The following CGRRF1 variants were observed in gnomAD, a reference collection of about 807,000 sequenced individuals.
CGRRF1 encodes cell growth regulator with RING finger domain protein 1.
A neutral mutation model predicts 37.2 loss-of-function variants in CGRRF1; 32 were observed. The observed-to-expected ratio is 0.86, with a 90% confidence interval of 0.65 to 1.16. The LOEUF is 1.16. Ranked by LOEUF, CGRRF1 falls within the 50% of genes most tolerant of loss-of-function variation. CGRRF1 has a pLI of 0.00. For synonymous variants in CGRRF1, 141 were observed against 140.3 expected (o/e 1.00, Z -0.04); for missense variants, 391 against 382.6 (o/e 1.02, Z -0.18).
chr14:54,514,607 C>T (rs2032185738), intron 1 of CGRRF1, among the ~76,000 whole-genome samples: 1 of 152,220 alleles, frequency 6.6e-6, no homozygotes, highest in Admixed American at 6.5e-5. Flanking sequence ...AACTTCCACC[C>T]TCAGGTGGAT....
At chr14:54,524,584 G>C (rs1206872757) in intron 2 of CGRRF1, among the ~76,000 whole-genome samples, 1 of 151,806 alleles carries the variant, frequency 6.6e-6, no homozygotes, top group East Asian at 1.9e-4. Flanking sequence ...GTGGAGATGG[G>C]GTCTTGCTGT....
intron 1 of CGRRF1, among the ~76,000 whole-genome samples, chr14:54,521,840 C>T (rs2032322258): frequency 6.6e-6 from 1 of 152,152 alleles, no homozygotes; most frequent in Admixed American, 6.5e-5. Context: ...ATTTCTTTTT[C>T]ACATTTAAAA....
chr14:54,509,957 C>T lies in CGRRF1; in HGVS notation c.-3C>T, dbSNP rs373074430. Reference sequence around the variant, plus strand: ...GCCGGGCTCTACCCAGAGCAAGACCCTGATGGCTGCGGTGTTTCTGGTAAC... The same window carrying T: ...GCCGGGCTCTACCCAGAGCAAGACCTTGATGGCTGCGGTGTTTCTGGTAAC... On this transcript the variant is annotated 5_prime_UTR_variant, in exon 1 of 6. Transcript: ENST00000216420. 1,056 of 1,610,518 alleles carry T rather than the reference C, an allele frequency of 6.6e-4. 1 individual carries two copies. Among genetic ancestry groups the T allele is most frequent in the Non-Finnish European group, 8.5e-4 (1,002 of 1,176,820 alleles).
intron 2 of CGRRF1, among the ~76,000 whole-genome samples, chr14:54,528,913 GT>G (rs2032460722): frequency 6.6e-6 from 1 of 152,148 alleles, no homozygotes; most frequent in Non-Finnish European, 1.5e-5. Flanking sequence ...GGAAAAATCA[GT>G]TTTTGGTATC....
chr14:54,534,873 C>G (rs1486077421), intron 4 of CGRRF1, among the ~76,000 whole-genome samples: 1 of 152,110 alleles, frequency 6.6e-6, no homozygotes, highest in Non-Finnish European at 1.5e-5. Flanking sequence ...TACCACTGTG[C>G]CCAGCTAAGT....
chr14:54,514,237 A>T (rs1477031851), intron 1 of CGRRF1, among the ~76,000 whole-genome samples: 1 of 152,206 alleles, frequency 6.6e-6, no homozygotes, highest in African/African-American at 2.4e-5. Flanking sequence ...AAATTTTGCT[A>T]ATTTATATCT....
At chr14:54,522,240 G>A (rs1295318793) in intron 1 of CGRRF1, among the ~76,000 whole-genome samples, 5 of 151,764 alleles carry the variant, frequency 3.3e-5, no homozygotes, top group Admixed American at 6.6e-5. Flanking sequence ...CTTCCCCCTC[G>A]TCCCCAAATA....
chr14:54,536,206 A>G (rs1400286440), intron 4 of CGRRF1: 4 of 150,026 alleles, frequency 2.7e-5, no homozygotes, highest in Non-Finnish European at 5.9e-5. Context: ...GCTCTTTTTC[A>G]TTTCAGAAAA....
chr14:54,509,978 G>T lies in CGRRF1; in HGVS notation c.19G>T (p.Val7Leu), dbSNP rs778343224. 1.9e-5 allele frequency: 31 copies of T among 1,613,604 alleles called. No homozygotes were observed. The highest frequency in any genetic ancestry group is 2.4e-5 in the Non-Finnish European group (28 of 1,179,600). MAAVFL[V>L]TLYEYSPLFY... ...GACCCTGATGGCTGCGGTGTTTCTGGTAACGCTTTATGAATACTCGCCGCT... is the reference window on the plus strand; with the variant it reads ...GACCCTGATGGCTGCGGTGTTTCTGTTAACGCTTTATGAATACTCGCCGCT... The change falls in exon 1 of 6, where the codon GTA becomes TTA. Residue 7 changes from valine to leucine, a missense_variant. Transcript: ENST00000216420.
chr14:54,535,232 TTTC>T (rs2032581080), intron 4 of CGRRF1, among the ~76,000 whole-genome samples: 1 of 152,094 alleles, frequency 6.6e-6, no homozygotes, highest in Non-Finnish European at 1.5e-5. Context: ...CACAACCAAT[TTTC>T]TTCTCCAGTT....
chr14:54,535,332 T>C (rs936161875), intron 4 of CGRRF1, among the ~76,000 whole-genome samples: 3 of 150,758 alleles, frequency 2.0e-5, no homozygotes, highest in Non-Finnish European at 4.4e-5. Context: ...CTGTCTTTTA[T>C]GACATGAGCA....
intron 4 of CGRRF1, among the ~76,000 whole-genome samples, chr14:54,535,715 C>T (rs991731824): frequency 2.0e-5 from 3 of 151,982 alleles, no homozygotes; most frequent in African/African-American, 7.3e-5. Flanking sequence ...TGATTCTTGC[C>T]AGATTTCATC....
intron 1 of CGRRF1, among the ~76,000 whole-genome samples, chr14:54,514,719 T>G (rs2032187906): frequency 6.6e-6 from 1 of 152,242 alleles, no homozygotes; most frequent in Non-Finnish European, 1.5e-5. Context: ...TTCCAGGAGA[T>G]GGAACAGAAA....
intron 1 of CGRRF1, among the ~76,000 whole-genome samples, chr14:54,516,775 A>G (rs995186158): frequency 6.6e-6 from 1 of 152,118 alleles, no homozygotes; most frequent in African/African-American, 2.4e-5. Flanking sequence ...AACTTCAGTG[A>G]TATGTTAAGA....
rs188717541 is a variant in CGRRF1 at position 54,531,603 on chromosome 14, C to A, written c.570+553C>A. Among the ~76,000 whole-genome samples, 149 of 152,092 alleles carry A rather than the reference C, an allele frequency of 9.8e-4. 1 individual carries two copies. Among genetic ancestry groups the A allele is most frequent in the African/African-American group, 3.3e-3 (135 of 41,532 alleles). On this transcript the variant is annotated intron_variant, in intron 4 of 5. Transcript: ENST00000216420. ...TAAGATAGTATCCACTCTTTTTTTG[C>A]CTGCTTGCAGTCACCTTGTTTCCAT...
Position 54,537,752 on chromosome 14 carries a change from G to A in CGRRF1, c.601G>A (p.Asp201Asn). Residue 201 changes from aspartate to asparagine, a missense_variant, in exon 5 of 6, where the codon GAT becomes AAT. Asp to Asn is a conservative substitution (Grantham distance 23, BLOSUM62 1). Transcript: ENST00000216420. The stretch of plus-strand genomic sequence containing the variant: ...CATGGTGTCAGTGATTCATATTCCT[G>A]ATAGGACTTATAAACTATCCTGCAG... ...ISMVSVIHIP[D>N]RTYKLSCRIL... The A allele has an allele frequency of 6.3e-7, 1 of 1,588,770 alleles. No individual in the cohort carries two copies. Among genetic ancestry groups the A allele is most frequent in the Non-Finnish European group, 8.5e-7 (1 of 1,172,158 alleles).
intron 1 of CGRRF1, among the ~76,000 whole-genome samples, chr14:54,518,925 TTTG>T (rs2032264672): frequency 6.6e-6 from 1 of 152,066 alleles, no homozygotes; most frequent in Non-Finnish European, 1.5e-5. Flanking sequence ...GGACTAGGTT[TTTG>T]TTGTTTTGTT....
At position 54,522,442 on chromosome 14, in the gene CGRRF1, A is replaced by G; in HGVS notation, c.105-12A>G. ...TTGTTAAAATAATATTTTATTTTTT[A>G]CCTTTTTTTAGGTTTGGTTGGGATG... On this transcript the variant is annotated splice_polypyrimidine_tract_variant and intron_variant, in intron 1 of 5. Coordinates refer to ENST00000216420, the MANE Select transcript of CGRRF1 (RefSeq NM_006568.3). The G allele has an allele frequency of 2.0e-6, 3 of 1,508,814 alleles. No individual in the cohort carries two copies. Among genetic ancestry groups the G allele is most frequent in the Non-Finnish European group, 2.7e-6 (3 of 1,126,840 alleles). The allele number at this position is 1,508,814 out of a possible 1,614,324, so 93.5% of individuals were successfully genotyped here.
intron 1 of CGRRF1, among the ~76,000 whole-genome samples, chr14:54,518,375 G>A (rs1019177228): frequency 2.0e-5 from 3 of 151,804 alleles, no homozygotes; most frequent in East Asian, 3.9e-4. Flanking sequence ...GAGAAATCCC[G>A]TCTCTACTAA....
Sources: gnomAD v4.1 joint callset for allele counts (sites outside exome capture counted in the v4.1 genomes callset) on GRCh38, gnomAD v4.1.1 for gene constraint, MANE v1.5 for transcripts, NCBI Gene and HGNC (gene_info 2026-07-23, HGNC 2026-07-21) for gene names.